THSD7B: variants seen among roughly 807,000 people sequenced by gnomAD.
THSD7B encodes the protein thrombospondin type 1 domain containing 7B, also known as thrombospondin type-1 domain-containing protein 7B.
In THSD7B, 138 loss-of-function variants were observed where a neutral mutation model predicts 213.6. The ratio of observed to expected loss-of-function variants is 0.65; its 90% CI spans 0.56 to 0.74. The LOEUF is 0.74. Among genes scored for constraint, THSD7B ranks in the 30% least tolerant of loss-of-function variants. The pLI is 0.00. For missense variants in THSD7B, 1,931 were observed against 1,991.5 expected (o/e 0.97, Z 0.58); for synonymous variants, 742 against 687.0 (o/e 1.08, Z -1.25).
chr2:137,585,725 C>A (rs910269770), intron 17 of THSD7B, among the ~76,000 whole-genome samples: 1 of 152,088 alleles, frequency 6.6e-6, no homozygotes, highest in East Asian at 1.9e-4. Flanking sequence ...AATATCTGTT[C>A]TTTTACATTT....
chr2:137,403,353 A>G (rs146535570), intron 12 of THSD7B, among the ~76,000 whole-genome samples: 156 of 152,334 alleles, frequency 1.0e-3, no homozygotes, highest in African/African-American at 3.2e-3. Context: ...AGAATAAAGA[A>G]CTGAATTCAG....
chr2:137,072,510 T>C lies in THSD7B; in HGVS notation c.950+15280T>C, dbSNP rs893185186. On this transcript the variant is annotated intron_variant, in intron 3 of 27. Transcript: ENST00000409968. ...AGCTTAAGGAGATTTTGGGCTGAGA[T>C]GATGGGGTTTTCTAGATATACAATC... Among the ~76,000 whole-genome samples, 78 of 152,202 alleles carry C rather than the reference T, an allele frequency of 5.1e-4. No individual in the cohort carries two copies. The East Asian group carries it at 0.012, about 23-fold the overall frequency.
chr2:137,225,275 G>A (rs1377145664), intron 7 of THSD7B, among the ~76,000 whole-genome samples: 1 of 152,112 alleles, frequency 6.6e-6, no homozygotes, highest in Non-Finnish European at 1.5e-5. Context: ...TGTTGGAAAA[G>A]CATTGTTCAA....
At chr2:137,319,816 G>A (rs143322635) in intron 12 of THSD7B, among the ~76,000 whole-genome samples, 337 of 152,242 alleles carry the variant, frequency 2.2e-3, no homozygotes, top group Middle Eastern at 0.01. Context: ...AAGGCTTGGC[G>A]GTGGTGGCGG....
intron 20 of THSD7B, among the ~76,000 whole-genome samples, chr2:137,633,829 C>T (rs1277291732): frequency 6.6e-6 from 1 of 152,058 alleles, no homozygotes; most frequent in East Asian, 1.9e-4. Flanking sequence ...ACATTGTATT[C>T]CCTTAATTAA....
At chr2:137,125,826 C>A (rs1688620827) in intron 5 of THSD7B, among the ~76,000 whole-genome samples, 1 of 152,128 alleles carries the variant, frequency 6.6e-6, no homozygotes, top group Admixed American at 6.5e-5. Context: ...AAAATTCCTC[C>A]TTGGTCCATG....
intron 27 of THSD7B, among the ~76,000 whole-genome samples, chr2:137,673,523 T>C (rs1179444320): frequency 6.6e-6 from 1 of 152,160 alleles, no homozygotes; most frequent in Admixed American, 6.5e-5. Flanking sequence ...GAACATACCT[T>C]TTCTGAAACC....
At chr2:137,018,058 G>A (rs1686375378) in intron 2 of THSD7B, among the ~76,000 whole-genome samples, 1 of 150,438 alleles carries the variant, frequency 6.6e-6, no homozygotes, top group Non-Finnish European at 1.5e-5. Flanking sequence ...TCATTTTTTA[G>A]CATCTTTAGA....
In THSD7B at chr2:137,676,561, C is replaced by A. The variant is rs1450553576; in HGVS notation, c.4777C>A (p.Gln1593Lys). The A allele has an allele frequency of 1.3e-6, 2 of 1,598,062 alleles. No homozygotes were observed. The highest frequency in any genetic ancestry group is 1.8e-5 in the Admixed American group (1 of 56,952). ...PKPHQSTPPQ[Q>K]KPLTLAYDGD... ...ACCACATCAAAGCACACCTCCCCAA[C>A]AGAAGCCTCTGACCTTAGCCTACGA... Residue 1593 changes from glutamine (Q) to lysine (K), a missense_variant, in exon 28 of 28, where the codon CAG (glutamine) becomes AAG (lysine). By Grantham distance (53) the Gln-to-Lys change is moderately conservative. Transcript: ENST00000409968.
intron 20 of THSD7B, among the ~76,000 whole-genome samples, chr2:137,641,918 G>A (rs1175013543): frequency 6.6e-6 from 1 of 152,100 alleles, no homozygotes; most frequent in Non-Finnish European, 1.5e-5. Context: ...AGACACTATT[G>A]GGACCTTGGG....
At chr2:137,099,901 GT>G (rs1329486565) in intron 4 of THSD7B, among the ~76,000 whole-genome samples, 1 of 152,058 alleles carries the variant, frequency 6.6e-6, no homozygotes, top group Non-Finnish European at 1.5e-5. Context: ...ATCCTGCCTT[GT>G]TTCTGGTATG....
chr2:137,590,229 A>G (rs906058425), intron 17 of THSD7B, among the ~76,000 whole-genome samples: 1 of 152,170 alleles, frequency 6.6e-6, no homozygotes, highest in African/African-American at 2.4e-5. Context: ...ATTTTAATAC[A>G]AGCATTTAGT....
chr2:137,433,344 C>A (rs1282785098), intron 14 of THSD7B, among the ~76,000 whole-genome samples: 1 of 151,278 alleles, frequency 6.6e-6, no homozygotes, highest in Non-Finnish European at 1.5e-5. Context: ...ACAATATTTG[C>A]AATATTGTAT....
intron 14 of THSD7B, among the ~76,000 whole-genome samples, chr2:137,431,484 T>C (rs1687184400): frequency 6.6e-6 from 1 of 152,228 alleles, no homozygotes; most frequent in Admixed American, 6.5e-5. Context: ...ATAGAGATTC[T>C]TTATAGATGC....
rs1034082871 is a variant in THSD7B at position 137,182,248 on chromosome 2, C to T, written c.1723+11310C>T. Among the ~76,000 whole-genome samples, 11 of 152,308 alleles carry T rather than the reference C, an allele frequency of 7.2e-5. 1 individual carries two copies. Among genetic ancestry groups the T allele is most frequent in the Admixed American group, 5.9e-4 (9 of 15,298 alleles). ...TGCTTTAGGAACTTGGCAGGGAGCACAGTCACAAAATCATTTCCATGCAAT... is the reference window on the plus strand; with the variant it reads ...TGCTTTAGGAACTTGGCAGGGAGCATAGTCACAAAATCATTTCCATGCAAT... On this transcript the variant is annotated intron_variant, in intron 7 of 27. Transcript: ENST00000409968.
intron 2 of THSD7B, among the ~76,000 whole-genome samples, chr2:136,903,463 T>C (rs1220645776): frequency 6.6e-6 from 1 of 152,198 alleles, no homozygotes; most frequent in Non-Finnish European, 1.5e-5. Flanking sequence ...TTTCAGAATT[T>C]TTTTTTTAAT....
chr2:136,921,416 A>G (rs1217103790), intron 2 of THSD7B, among the ~76,000 whole-genome samples: 2 of 151,006 alleles, frequency 1.3e-5, no homozygotes, highest in African/African-American at 4.9e-5. Context: ...GACACACACC[A>G]TTGCAACCCA....
intron 15 of THSD7B, among the ~76,000 whole-genome samples, chr2:137,509,582 T>A (rs891121643): frequency 6.6e-6 from 1 of 152,190 alleles, no homozygotes; most frequent in Admixed American, 6.5e-5. Context: ...TCTTTGAACA[T>A]ATTTTCCTTA....
intron 7 of THSD7B, among the ~76,000 whole-genome samples, chr2:137,178,491 A>G (rs1184122331): frequency 6.6e-6 from 1 of 152,232 alleles, no homozygotes; most frequent in Non-Finnish European, 1.5e-5. Flanking sequence ...TGTTCACGCT[A>G]CAGGAATCAG....
Sources: allele counts gnomAD v4.1 joint callset (sites outside exome capture counted in the v4.1 genomes callset), GRCh38; gene constraint gnomAD v4.1.1; transcripts MANE v1.5; gene names NCBI Gene and HGNC (gene_info 2026-07-23, HGNC 2026-07-21).